The following ARMH4 variants were observed in gnomAD, a reference collection of about 807,000 sequenced individuals.
The protein encoded by ARMH4 is armadillo-like helical domain-containing protein 4.
Under a neutral mutation model 61.9 loss-of-function variants are expected in ARMH4, and 49 were observed. The ratio of observed to expected loss-of-function variants is 0.79; its 90% CI spans 0.63 to 1.00. The LOEUF (loss-of-function observed/expected upper bound fraction) is 1.00. Ranked by LOEUF, ARMH4 falls within the 50% of genes least tolerant of loss-of-function variation. The probability of loss-of-function intolerance (pLI) is 0.00; values close to 1 mark genes in which losing one functional copy is unlikely to be tolerated. For synonymous variants in ARMH4, 368 were observed against 341.5 expected (o/e 1.08, Z -0.85); for missense variants, 934 against 930.0 (o/e 1.00, Z -0.06).
chr14:58,142,503 T>C (rs913459268), intron 1 of ARMH4, among the ~76,000 whole-genome samples: 2 of 152,066 alleles, frequency 1.3e-5, no homozygotes, highest in South Asian at 2.1e-4. Flanking sequence ...CTTTTCTTTT[T>C]GAGATGGAGT....
chr14:58,032,723 G>A (rs1883297377), intron 5 of ARMH4, among the ~76,000 whole-genome samples: 1 of 151,766 alleles, frequency 6.6e-6, no homozygotes, highest in Admixed American at 6.6e-5. Flanking sequence ...AGCAGGGTGA[G>A]GCATTGCCTC....
intron 5 of ARMH4, among the ~76,000 whole-genome samples, chr14:58,092,426 G>A (rs1457324010): frequency 6.6e-6 from 1 of 152,206 alleles, no homozygotes; most frequent in African/African-American, 2.4e-5. Context: ...AAACGCTGCT[G>A]CTCCTTAAAT....
At chr14:58,038,409 G>A (rs1278434072) in intron 5 of ARMH4, among the ~76,000 whole-genome samples, 2 of 109,648 alleles carry the variant, frequency 1.8e-5, no homozygotes, top group Admixed American at 9.6e-5. Context: ...TGGTGGGGTC[G>A]GGGGAGGGGG....
intron 5 of ARMH4, among the ~76,000 whole-genome samples, chr14:58,020,216 A>C (rs983866750): frequency 6.6e-6 from 1 of 152,114 alleles, no homozygotes; most frequent in Non-Finnish European, 1.5e-5. Context: ...TGTTCAGTAC[A>C]CCCATGGGTC....
chr14:58,049,131 A>C (rs902640081), intron 5 of ARMH4, among the ~76,000 whole-genome samples: 23 of 150,830 alleles, frequency 1.5e-4, no homozygotes, highest in African/African-American at 2.4e-5. Context: ...CCCAGATACT[A>C]GGGAGGCTGA....
At chr14:58,108,342 T>C (rs1213804239) in intron 4 of ARMH4, among the ~76,000 whole-genome samples, 1 of 152,206 alleles carries the variant, frequency 6.6e-6, no homozygotes, top group African/African-American at 2.4e-5. Flanking sequence ...TATATACATA[T>C]ACCGTATTTA....
chr14:58,091,584 G>A (rs1885565701), intron 5 of ARMH4, among the ~76,000 whole-genome samples: 1 of 152,018 alleles, frequency 6.6e-6, no homozygotes, highest in African/African-American at 2.4e-5. Flanking sequence ...TAATTATATT[G>A]GAAATAAACA....
At chr14:58,053,004 C>T (rs1422987066) in intron 5 of ARMH4, among the ~76,000 whole-genome samples, 1 of 152,144 alleles carries the variant, frequency 6.6e-6, no homozygotes, top group African/African-American at 2.4e-5. Context: ...ACCCTTCCCT[C>T]GCTCTCAAGA....
In ARMH4 at chr14:58,111,622, T is replaced by A. The variant is rs1431076718; in HGVS notation, c.1832-14641A>T. ...TTTACAGATGGCCACCTTCTTGCTGTGTCCTTACATGACATTTCCTCTCTT... is the reference window on the plus strand; with the variant it reads ...TTTACAGATGGCCACCTTCTTGCTGAGTCCTTACATGACATTTCCTCTCTT... On this transcript the variant is annotated intron_variant, in intron 4 of 7. Coordinates refer to ENST00000267485, the MANE Select transcript of ARMH4 (RefSeq NM_001001872.4). Among the ~76,000 whole-genome samples, 6 of 152,292 alleles carry A rather than the reference T, an allele frequency of 3.9e-5. No individual in the cohort carries two copies. In the East Asian group the frequency reaches 7.7e-4, roughly 20 times the overall value.
chr14:58,134,840 C>T (rs1369322649), intron 2 of ARMH4, among the ~76,000 whole-genome samples: 1 of 151,594 alleles, frequency 6.6e-6, no homozygotes, highest in African/African-American at 2.4e-5. Flanking sequence ...TCCTGTCATC[C>T]CAGCCACCCG....
At chr14:58,077,205 G>A (rs1220636859) in intron 5 of ARMH4, among the ~76,000 whole-genome samples, 1 of 152,182 alleles carries the variant, frequency 6.6e-6, no homozygotes, top group Non-Finnish European at 1.5e-5. Context: ...ATAACACACT[G>A]GTTACAAAAG....
At chr14:58,097,392 T>C (rs1294994629) in intron 4 of ARMH4, among the ~76,000 whole-genome samples, 5 of 152,226 alleles carry the variant, frequency 3.3e-5, no homozygotes, top group African/African-American at 9.6e-5. Flanking sequence ...GCTCATAATG[T>C]TAAAGGAGAC....
chr14:58,065,655 C>T (rs955323989), intron 5 of ARMH4, among the ~76,000 whole-genome samples: 7 of 152,246 alleles, frequency 4.6e-5, no homozygotes, highest in Non-Finnish European at 8.8e-5. Context: ...ATCACCACTT[C>T]CTACTACTAT....
intron 5 of ARMH4, among the ~76,000 whole-genome samples, chr14:58,050,361 C>G (rs574689189): frequency 6.6e-6 from 1 of 152,346 alleles, no homozygotes; most frequent in East Asian, 1.9e-4. Context: ...TAAGGAGGAC[C>G]ACAGTCCTCA....
chr14:58,039,136 G>A (rs980606447), intron 5 of ARMH4, among the ~76,000 whole-genome samples: 6 of 152,174 alleles, frequency 3.9e-5, no homozygotes, highest in Non-Finnish European at 8.8e-5. Context: ...GGGCCACTTC[G>A]GCTCCAGAAC....
chr14:58,140,614 A>T (rs1215935552), intron 1 of ARMH4, among the ~76,000 whole-genome samples: 1 of 150,084 alleles, frequency 6.7e-6, no homozygotes, highest in East Asian at 2.0e-4. Flanking sequence ...TAAAATATAA[A>T]AGAGGGCCGG....
intron 5 of ARMH4, among the ~76,000 whole-genome samples, chr14:58,043,112 G>C (rs1269565827): frequency 3.3e-5 from 5 of 152,132 alleles, no homozygotes; most frequent in Non-Finnish European, 7.3e-5. Context: ...TATGAGGCCA[G>C]CATCATACTG....
intron 5 of ARMH4, among the ~76,000 whole-genome samples, chr14:58,023,956 A>T (rs188880794): frequency 4.8e-4 from 73 of 152,316 alleles, no homozygotes; most frequent in African/African-American, 1.7e-3. Flanking sequence ...TCAGTAAAAC[A>T]TGTTGTAAAC....
chr14:58,064,096 T>C (rs1884625539), intron 5 of ARMH4, among the ~76,000 whole-genome samples: 1 of 149,958 alleles, frequency 6.7e-6, no homozygotes, highest in Non-Finnish European at 1.5e-5. Flanking sequence ...CCCAAAATGT[T>C]GGCATTAAAA....
Sources: gnomAD v4.1 joint callset for allele counts (sites outside exome capture counted in the v4.1 genomes callset) on GRCh38, gnomAD v4.1.1 for gene constraint, MANE v1.5 for transcripts, NCBI Gene and HGNC (gene_info 2026-07-23, HGNC 2026-07-21) for gene names.